The following CHODL variants were observed in gnomAD, a reference collection of about 807,000 sequenced individuals.
CHODL encodes transmembrane protein MT75.
Under a neutral mutation model 34.5 loss-of-function variants are expected in CHODL, and 29 were observed. That is an observed-to-expected ratio of 0.84 (90% CI 0.63 to 1.15). CHODL has a LOEUF of 1.15. Ranked by LOEUF, CHODL falls within the 50% of genes most tolerant of loss-of-function variation. The pLI, the probability that CHODL is intolerant of heterozygous loss-of-function variation, is 0.00. For missense variants in CHODL, 332 were observed against 332.5 expected (o/e 1.00, Z 0.01); for synonymous variants, 125 against 116.1 (o/e 1.08, Z -0.49).
chr21:18,170,642 A>T (rs897523596), intron 2 of CHODL, among the ~76,000 whole-genome samples: 1 of 152,100 alleles, frequency 6.6e-6, no homozygotes, highest in African/African-American at 2.4e-5. Context: ...TACCAACTTA[A>T]TTTCAATTGT....
intron 2 of CHODL, among the ~76,000 whole-genome samples, chr21:18,059,330 CT>C (rs2146481239): frequency 6.6e-6 from 1 of 152,226 alleles, no homozygotes; most frequent in African/African-American, 2.4e-5. Context: ...AAAATAATGT[CT>C]GTTTTTTTAA....
At chr21:17,986,505 T>C (rs2063755018) in intron 1 of CHODL, among the ~76,000 whole-genome samples, 1 of 152,200 alleles carries the variant, frequency 6.6e-6, no homozygotes, top group Non-Finnish European at 1.5e-5. Flanking sequence ...CATCCTTTTT[T>C]ATGGGTGCAT....
At chr21:18,218,937 A>G (rs992550285) in intron 2 of CHODL, among the ~76,000 whole-genome samples, 1 of 152,184 alleles carries the variant, frequency 6.6e-6, no homozygotes, top group African/African-American at 2.4e-5. Flanking sequence ...AGGAAGTTTC[A>G]AACTTTCTCA....
At position 18,048,965 on chromosome 21, in the gene CHODL, G is replaced by T. The variant is rs2064479673; in HGVS notation, c.-45+20994G>T. 2.6e-5 allele frequency among the ~76,000 whole-genome samples: 4 copies of T among 151,824 alleles called. No individual in the cohort carries two copies. The South Asian group carries it at 8.3e-4, about 32-fold the overall frequency. On this transcript the variant is annotated intron_variant, in intron 2 of 6. Coordinates refer to the CHODL transcript ENST00000400127. Reference sequence around the variant, plus strand: ...GAATTTTGGTTTACAATGATTTTCAGATGACACTAAAGAACACTTTAGTAT... The same window carrying T: ...GAATTTTGGTTTACAATGATTTTCATATGACACTAAAGAACACTTTAGTAT...
chr21:18,053,373 C>T (rs1048857287), intron 2 of CHODL, among the ~76,000 whole-genome samples: 2 of 151,940 alleles, frequency 1.3e-5, no homozygotes, highest in African/African-American at 4.8e-5. Context: ...GCATTGACCT[C>T]AGAAGACATT....
intron 2 of CHODL, among the ~76,000 whole-genome samples, chr21:18,217,677 T>C (rs1213204642): frequency 6.6e-6 from 1 of 152,130 alleles, no homozygotes. Flanking sequence ...CCCCAAAGTC[T>C]TAACTTATTC....
chr21:17,948,560 G>A (rs534253704), intron 1 of CHODL, among the ~76,000 whole-genome samples: 2 of 151,964 alleles, frequency 1.3e-5, no homozygotes, highest in South Asian at 4.1e-4. Context: ...AAATAAAATA[G>A]CAGGTAAAAA....
chr21:18,242,401 C>T (rs11911314), upstream of CHODL, among the ~76,000 whole-genome samples: 5,090 of 151,968 alleles, frequency 0.033, 282 homozygotes, highest in African/African-American at 0.12. Context: ...AATTTTAATT[C>T]ATAGCCCCTA....
intron 2 of CHODL, among the ~76,000 whole-genome samples, chr21:18,085,892 T>C (rs2065000113): frequency 6.6e-6 from 1 of 152,144 alleles, no homozygotes; most frequent in African/African-American, 2.4e-5. Flanking sequence ...TCTGGATTTC[T>C]GACTCTCTTG....
intron 2 of CHODL, among the ~76,000 whole-genome samples, chr21:18,109,447 A>G (rs1246234027): frequency 6.6e-6 from 1 of 152,178 alleles, no homozygotes; most frequent in African/African-American, 2.4e-5. Context: ...GTGATGAGCC[A>G]TAGAAACAGT....
At chr21:18,248,694 C>CATATA (rs2074180899) in intron 1 of CHODL, among the ~76,000 whole-genome samples, 1 of 108,044 alleles carries the variant, frequency 9.3e-6, no homozygotes, top group Non-Finnish European at 1.7e-5. Context: ...ATATTATATA[C>CATATA]ATATATATGT....
At chr21:18,053,556 C>A (rs1407309148) in intron 2 of CHODL, among the ~76,000 whole-genome samples, 1 of 151,934 alleles carries the variant, frequency 6.6e-6, no homozygotes, top group Non-Finnish European at 1.5e-5. Flanking sequence ...TCCATTTGAT[C>A]ATTGATTCTA....
At chr21:18,131,740 T>C (rs935683209) in intron 2 of CHODL, among the ~76,000 whole-genome samples, 4 of 152,158 alleles carry the variant, frequency 2.6e-5, no homozygotes, top group South Asian at 2.1e-4. Context: ...GAAAGAGCCT[T>C]GTAGCTGGTC....
chr21:18,248,935 ATAT>A (rs1366171393), intron 1 of CHODL, among the ~76,000 whole-genome samples: 3 of 117,766 alleles, frequency 2.5e-5, no homozygotes, highest in Non-Finnish European at 3.2e-5. Context: ...GTATACATAT[ATAT>A]TATGTATACA....
At chr21:17,933,183 G>T (rs1404238763) in intron 1 of CHODL, among the ~76,000 whole-genome samples, 1 of 152,156 alleles carries the variant, frequency 6.6e-6, no homozygotes, top group Non-Finnish European at 1.5e-5. Context: ...CCCAGGGACG[G>T]GCAGGAGACA....
intron 1 of CHODL, among the ~76,000 whole-genome samples, chr21:17,935,977 C>A (rs575580527): frequency 1.3e-3 from 201 of 152,196 alleles, no homozygotes; most frequent in Non-Finnish European, 2.5e-3. Flanking sequence ...TTCTTTTCCC[C>A]TTTCTGTGAG....
chr21:18,008,243 G>A (rs373699943), intron 1 of CHODL, among the ~76,000 whole-genome samples: 15 of 151,670 alleles, frequency 9.9e-5, no homozygotes, highest in South Asian at 2.1e-4. Context: ...GTATGTATGC[G>A]TATACCCATG....
intron 2 of CHODL, among the ~76,000 whole-genome samples, chr21:18,156,388 C>T (rs979174981): frequency 6.6e-6 from 1 of 151,930 alleles, no homozygotes; most frequent in African/African-American, 2.4e-5. Flanking sequence ...CTTTGCCCAG[C>T]CCAATGTCGT....
At chr21:17,978,382 A>T (rs199798323) in intron 1 of CHODL, among the ~76,000 whole-genome samples, 1 of 147,598 alleles carries the variant, frequency 6.8e-6, no homozygotes, top group Non-Finnish European at 1.5e-5. Context: ...AGATGGCGCC[A>T]CTGCACTCCA....
Sources: allele counts gnomAD v4.1 joint callset (sites outside exome capture counted in the v4.1 genomes callset), GRCh38; gene constraint gnomAD v4.1.1; transcripts MANE v1.5; gene names NCBI Gene and HGNC (gene_info 2026-07-23, HGNC 2026-07-21).